The following EDA variants were observed in gnomAD, a reference collection of about 807,000 sequenced individuals.
The protein encoded by EDA is ectodysplasin A.
Under a neutral mutation model 23.6 loss-of-function variants are expected in EDA, and 2 were observed. The ratio of observed to expected loss-of-function variants is 0.08; its 90% CI spans 0.03 to 0.27. EDA has a LOEUF of 0.27. Among genes scored for constraint, EDA ranks in the 10% least tolerant of loss-of-function variants. EDA has a pLI of 1.00. For synonymous variants in EDA, 131 were observed against 132.0 expected, an observed-to-expected ratio of 0.99 and a Z score of 0.05; for missense variants, 229 against 324.2, an observed-to-expected ratio of 0.71 and a Z score of 2.26.
At chrX:69,989,788 T>C (rs1021417784) in intron 2 of EDA, among the ~76,000 whole-genome samples, 4 of 108,299 alleles carry the variant, frequency 3.7e-5, no homozygotes, top group African/African-American at 1.4e-4. Context: ...ATCCATAAAC[T>C]TGAGGACAGA....
chrX:69,750,806 C>G (rs746436383), intron 1 of EDA, among the ~76,000 whole-genome samples: 95 of 112,231 alleles, frequency 8.5e-4, no homozygotes, highest in African/African-American at 2.8e-3. Context: ...TGTCTGTGGG[C>G]TGCATAAATG....
intron 1 of EDA, among the ~76,000 whole-genome samples, chrX:69,717,490 T>G (rs2012385726): frequency 9.2e-6 from 1 of 109,104 alleles, no homozygotes; most frequent in African/African-American, 3.3e-5. Flanking sequence ...GGTTCGGGTC[T>G]GTGTCACCTC....
chrX:69,810,371 A>G (rs1391252000), intron 1 of EDA, among the ~76,000 whole-genome samples: 1 of 100,744 alleles, frequency 9.9e-6, no homozygotes, highest in African/African-American at 3.6e-5. Flanking sequence ...CTCCCTGCTC[A>G]TATTTATAAG....
chrX:69,892,394 TGTCA>T (rs2017947461), intron 1 of EDA, among the ~76,000 whole-genome samples: 1 of 111,892 alleles, frequency 8.9e-6, no homozygotes, highest in Non-Finnish European at 1.9e-5. Flanking sequence ...GTTTCTGACC[TGTCA>T]GTCAGTTTTT....
intron 3 of EDA, among the ~76,000 whole-genome samples, chrX:70,025,761 C>T (rs888667596): frequency 5.4e-5 from 6 of 111,955 alleles, no homozygotes; most frequent in Admixed American, 1.9e-4. Context: ...GATCTAGAAA[C>T]GGGGCAGATC....
chrX:69,653,497 A>C (rs1455532975), intron 1 of EDA, among the ~76,000 whole-genome samples: 1 of 111,092 alleles, frequency 9.0e-6, no homozygotes, highest in African/African-American at 3.3e-5. Flanking sequence ...CCCTGGCCAG[A>C]ACTTCCAACA....
intron 1 of EDA, chrX:69,670,408 CT>C (rs999820032): frequency 6.9e-6 from 2 of 291,659 alleles, no homozygotes; most frequent in African/African-American, 5.6e-5. Flanking sequence ...TGTTTGCGAA[CT>C]TTTGAGCTTT....
At position 70,014,842 on chromosome X, in the gene EDA, AAATC is replaced by A. The variant is rs1176740089; in HGVS notation, c.503-8374_503-8371del. Among the ~76,000 whole-genome samples the A allele has an allele frequency of 1.2e-4, 13 of 112,322 alleles. No homozygotes were observed. In the Admixed American group the frequency reaches 1.2e-3, roughly 11 times the overall value. On this transcript the variant is annotated intron_variant, in intron 2 of 7. Transcript: ENST00000374552. ...ATCTCACAGACTGGTTCTCCAAACT[AAATC>A]AGTCAGACAAAAATAAAGAAAAAAA...
At chrX:69,937,896 G>A in intron 1 of EDA, 1 of 1,200,996 alleles carries the variant, frequency 8.3e-7, no homozygotes, top group Non-Finnish European at 1.1e-6. Flanking sequence ...TGGAAACTCG[G>A]TGTCCATAGC....
chrX:69,781,137 A>G (rs1436497699), intron 1 of EDA, among the ~76,000 whole-genome samples: 3 of 111,129 alleles, frequency 2.7e-5, no homozygotes, highest in Non-Finnish European at 5.7e-5. Flanking sequence ...TTATTTATCT[A>G]CTCATCAGGT....
chrX:69,839,791 A>C (rs943411253), intron 1 of EDA, among the ~76,000 whole-genome samples: 3 of 112,315 alleles, frequency 2.7e-5, no homozygotes, highest in African/African-American at 9.7e-5. Context: ...GAATGGCATT[A>C]TCAGCTAGGG....
intron 1 of EDA, among the ~76,000 whole-genome samples, chrX:69,829,896 C>T (rs1007053701): frequency 2.7e-5 from 3 of 111,568 alleles, no homozygotes; most frequent in Non-Finnish European, 5.6e-5. Context: ...TTCATAAATC[C>T]CCTAAAAGCA....
At chrX:69,783,325 T>C (rs988066180) in intron 1 of EDA, among the ~76,000 whole-genome samples, 5 of 110,421 alleles carry the variant, frequency 4.5e-5, no homozygotes, top group Non-Finnish European at 3.8e-5. Flanking sequence ...TTAGGGTACA[T>C]GTGCACAATG....
At chrX:69,666,404 C>T (rs189784353) in intron 1 of EDA, among the ~76,000 whole-genome samples, 1 of 112,597 alleles carries the variant, frequency 8.9e-6, no homozygotes, top group African/African-American at 3.2e-5. Flanking sequence ...TAAGTTTCTC[C>T]TTATTGATTA....
intron 1 of EDA, among the ~76,000 whole-genome samples, chrX:69,858,963 G>A (rs1021977031): frequency 1.8e-5 from 2 of 111,118 alleles, no homozygotes; most frequent in African/African-American, 6.5e-5. Context: ...ATCTTGGGAA[G>A]GTATGTGTGT....
At chrX:69,687,271 T>A (rs1934577308) in intron 1 of EDA, among the ~76,000 whole-genome samples, 1 of 110,675 alleles carries the variant, frequency 9.0e-6, no homozygotes, top group Non-Finnish European at 1.9e-5. Flanking sequence ...TAGTTTTTTT[T>A]TTTTTTTAGT....
intron 1 of EDA, among the ~76,000 whole-genome samples, chrX:69,646,784 A>G (rs1273455822): frequency 8.9e-6 from 1 of 111,907 alleles, no homozygotes; most frequent in Non-Finnish European, 1.9e-5. Flanking sequence ...TGGTTGCTTC[A>G]TAGTGTCACT....
At chrX:69,811,783 G>A (rs1182295048) in intron 1 of EDA, among the ~76,000 whole-genome samples, 1 of 112,276 alleles carries the variant, frequency 8.9e-6, no homozygotes, top group Non-Finnish European at 1.9e-5. Flanking sequence ...ATCTGAAATG[G>A]CTTCAGTGAA....
intron 1 of EDA, among the ~76,000 whole-genome samples, chrX:69,668,068 A>G (rs1933750904): frequency 8.9e-6 from 1 of 112,459 alleles, no homozygotes; most frequent in Admixed American, 9.4e-5. Context: ...TGAAGGACAC[A>G]TTCAAACAAT....
Sources: gnomAD v4.1 joint callset for allele counts (sites outside exome capture counted in the v4.1 genomes callset) on GRCh38, gnomAD v4.1.1 for gene constraint, MANE v1.5 for transcripts, NCBI Gene and HGNC (gene_info 2026-07-23, HGNC 2026-07-21) for gene names.